SLC26A7: variants seen among roughly 807,000 people sequenced by gnomAD.
SLC26A7 encodes solute carrier family 26 member 7.
A neutral mutation model predicts 82.5 loss-of-function variants in SLC26A7; 59 were observed. The observed-to-expected ratio is 0.72, with a 90% CI of 0.58 to 0.89. The LOEUF is 0.89. Ranked by LOEUF, SLC26A7 falls within the 40% of genes least tolerant of loss-of-function variation. The pLI is 0.00. For synonymous variants in SLC26A7, 271 were observed against 274.3 expected, an observed-to-expected ratio of 0.99 and a Z score of 0.12; for missense variants, 820 against 793.0, an observed-to-expected ratio of 1.03 and a Z score of -0.41.
rs151027160 is a variant in SLC26A7, at chr8:91,280,784, C to G, written c.194-8352C>G. ...ATTCAGTACTTTGGATCCAGTCAGC[C>G]ACCTTTGGCCCTGTGGTGTATTCCA... is the stretch of plus-strand genomic sequence containing the variant. On this transcript the variant is annotated intron_variant, in intron 2 of 18. Transcript: ENST00000276609. Among the ~76,000 whole-genome samples the G allele has an allele frequency of 1.0e-3, 158 of 152,308 alleles. 2 individuals carry two copies. In the East Asian group the frequency reaches 0.023, roughly 22 times the overall value.
chr8:91,371,643 G>T (rs1334678109), intron 15 of SLC26A7, among the ~76,000 whole-genome samples: 1 of 151,708 alleles, frequency 6.6e-6, no homozygotes, highest in Non-Finnish European at 1.5e-5. Context: ...AGTCCATCTA[G>T]GTTGATTCTA....
chr8:91,214,011 T>C (rs960217293), intron 1 of SLC26A7, among the ~76,000 whole-genome samples: 5 of 152,116 alleles, frequency 3.3e-5, no homozygotes, highest in African/African-American at 1.2e-4. Flanking sequence ...ACCGGTGAGA[T>C]ATATATGTGT....
Position 91,352,923 on chromosome 8 carries a change from T to C in SLC26A7, c.1241T>C (p.Val414Ala). ...TAGTGTGTCCTTGCAAGCATTATTG[T>C]TGTGGGACTGAAGGGAATGCTAATA... Reference protein sequence around the residue: ...LPMCVLASIIVVGLKGMLIQF... With the variant: ...LPMCVLASIIAVGLKGMLIQF... Residue 414 changes from valine to alanine, a missense_variant, in exon 11 of 19, where the codon GTT becomes GCT. Physicochemically the swap from Val to Ala is moderately conservative, Grantham distance 64. Coordinates refer to ENST00000276609, the MANE Select transcript of SLC26A7 (RefSeq NM_052832.4). The C allele has an allele frequency of 1.2e-6, 2 of 1,607,676 alleles. No individual in the cohort carries two copies. Among genetic ancestry groups the C allele is most frequent in the Non-Finnish European group, 1.7e-6 (2 of 1,177,136 alleles).
At chr8:91,318,524 C>A in intron 5 of SLC26A7, 144 bp downstream of exon 5, 1 of 599,280 alleles carries the variant, frequency 1.7e-6, no homozygotes, top group Non-Finnish European at 2.6e-6. Context: ...TTGAGTGTGA[C>A]TTAAGGTATG....
At chr8:91,308,011 C>A (rs1812370441) in intron 4 of SLC26A7, among the ~76,000 whole-genome samples, 1 of 152,016 alleles carries the variant, frequency 6.6e-6, no homozygotes, top group Non-Finnish European at 1.5e-5. Flanking sequence ...TAATTATTAC[C>A]TAATGTCCTT....
rs948041575 is a variant in SLC26A7 at position 91,337,251 on chromosome 8, T to A, written c.796-899T>A. ...ACCTATACAATTATATTATTGGCCA[T>A]TGATTATTAGATATTCCTTATTTTG... On this transcript the variant is annotated intron_variant, in intron 6 of 18. Transcript: ENST00000276609. Among the ~76,000 whole-genome samples the A allele has an allele frequency of 8.5e-5, 13 of 152,314 alleles. No individual in the cohort carries two copies. The East Asian group carries it at 2.5e-3, about 29-fold the overall frequency.
chr8:91,308,140 CTT>C (rs1393497626), intron 4 of SLC26A7, among the ~76,000 whole-genome samples: 4 of 151,992 alleles, frequency 2.6e-5, no homozygotes, highest in African/African-American at 9.7e-5. Context: ...TATCTTGACA[CTT>C]TTGAGGAGTA....
At chr8:91,377,065 G>T (rs913524486) in intron 15 of SLC26A7, among the ~76,000 whole-genome samples, 1 of 152,096 alleles carries the variant, frequency 6.6e-6, no homozygotes, top group Non-Finnish European at 1.5e-5. Flanking sequence ...TCCATTGCAG[G>T]GCTGCTGCTG....
At chr8:91,360,275 G>T (rs927756636) in intron 11 of SLC26A7, among the ~76,000 whole-genome samples, 1 of 152,160 alleles carries the variant, frequency 6.6e-6, no homozygotes, top group African/African-American at 2.4e-5. Context: ...AAAGGATTGT[G>T]TCCCCTACTT....
At chr8:91,355,793 T>G (rs1471021352) in intron 11 of SLC26A7, among the ~76,000 whole-genome samples, 2 of 152,112 alleles carry the variant, frequency 1.3e-5, no homozygotes, top group Non-Finnish European at 2.9e-5. Flanking sequence ...TTATTACATA[T>G]GTATACATGT....
chr8:91,284,163 C>T (rs947250803), intron 2 of SLC26A7, among the ~76,000 whole-genome samples: 4 of 152,088 alleles, frequency 2.6e-5, no homozygotes, highest in African/African-American at 7.2e-5. Context: ...TAGAAGATAG[C>T]GGAAATTTAT....
rs1163294268 is a variant in SLC26A7 at position 91,211,612 on chromosome 8, A to AT, written c.-150+2071dup. ...ATTATACAAATATATATATATATAT[A>AT]TATATTTTTTTTTTATTTTTTTTGC... On this transcript the variant is annotated intron_variant, in intron 1 of 5. Transcript: ENST00000522862. Among the ~76,000 whole-genome samples, 724 of 135,294 alleles carry AT rather than the reference A, an allele frequency of 5.4e-3. 4 individuals are homozygous for AT. Among genetic ancestry groups the AT allele is most frequent in the Middle Eastern group, 0.02 (5 of 248 alleles). 88.8% of individuals were successfully genotyped at this position (135,294 alleles called of 152,430 possible). A position where few individuals can be genotyped will look rare whatever the true frequency, so the allele number is the denominator to read the frequency against.
intron 9 of SLC26A7, among the ~76,000 whole-genome samples, chr8:91,348,047 G>A (rs1813614034): frequency 6.6e-6 from 1 of 152,000 alleles, no homozygotes; most frequent in Non-Finnish European, 1.5e-5. Flanking sequence ...GGAGGGATGA[G>A]AGACTGTGTC....
chr8:91,273,742 C>T (rs573234816), intron 2 of SLC26A7, among the ~76,000 whole-genome samples: 1 of 152,298 alleles, frequency 6.6e-6, no homozygotes, highest in Non-Finnish European at 1.5e-5. Flanking sequence ...CATCCTTCAA[C>T]CCCCACTTCA....
chr8:91,270,626 T>C (rs1024387317), intron 2 of SLC26A7, among the ~76,000 whole-genome samples: 1 of 152,160 alleles, frequency 6.6e-6, no homozygotes, highest in Non-Finnish European at 1.5e-5. Context: ...CCCACCAATC[T>C]CTGGCAGCCA....
rs1459614532 is a variant in SLC26A7, at chr8:91,366,653, CT to C, written c.1563del (p.Asp522IlefsTer2). 6.2e-7 allele frequency: 1 copy of C among 1,613,452 alleles called. No individual in the cohort carries two copies. The highest frequency in any genetic ancestry group is 8.5e-7 in the Non-Finnish European group (1 of 1,179,834). ...LVFLNAKKFY[T>X]DLMNMIQKEN... ...TTCCTGAATGCAAAAAAATTTTATA[CT>C]GATTTAATGAACATGATCCAAAAGG... On this transcript the variant is annotated frameshift_variant, in exon 14 of 19. Coordinates refer to ENST00000276609, the MANE Select transcript of SLC26A7 (RefSeq NM_052832.4). LOFTEE classifies it high-confidence loss of function.
At chr8:91,339,348 C>T (rs1384003667) in intron 7 of SLC26A7, among the ~76,000 whole-genome samples, 1 of 152,006 alleles carries the variant, frequency 6.6e-6, no homozygotes, top group East Asian at 1.9e-4. Context: ...CTTTCCAGAC[C>T]CATCCGCTAA....
intron 11 of SLC26A7, among the ~76,000 whole-genome samples, chr8:91,353,524 A>G (rs955454863): frequency 1.2e-4 from 18 of 152,144 alleles, no homozygotes; most frequent in Non-Finnish European, 2.9e-5. Flanking sequence ...AACCATGATA[A>G]AGTGTGATTT....
intron 15 of SLC26A7, among the ~76,000 whole-genome samples, chr8:91,377,333 T>G (rs2130889708): frequency 6.6e-6 from 1 of 152,274 alleles, no homozygotes; most frequent in South Asian, 2.1e-4. Context: ...CATCTACGTT[T>G]CCTTTGTCCC....
Sources: allele counts gnomAD v4.1 joint callset (sites outside exome capture counted in the v4.1 genomes callset), GRCh38; gene constraint gnomAD v4.1.1; transcripts MANE v1.5; gene names NCBI Gene and HGNC (gene_info 2026-07-23, HGNC 2026-07-21).